Variants in KCNIP4 observed in about 807,000 individuals in gnomAD.
KCNIP4 encodes the protein Kv channel-interacting protein 4.
Under a neutral mutation model 34.0 loss-of-function variants are expected in KCNIP4, and 12 were observed. The ratio of observed to expected loss-of-function variants is 0.35; its 90% confidence interval spans 0.23 to 0.57. The LOEUF is 0.57. KCNIP4 is among the 20% of genes least tolerant of loss of function. The probability of loss-of-function intolerance (pLI) is 0.83; values close to 1 mark genes in which losing one functional copy is unlikely to be tolerated. For synonymous variants in KCNIP4, 124 were observed against 102.2 expected, an observed-to-expected ratio of 1.21 and a Z score of -1.29; for missense variants, 238 against 311.7, an observed-to-expected ratio of 0.76 and a Z score of 1.78.
At chr4:21,253,381 A>G (rs900880824) in intron 1 of KCNIP4, among the ~76,000 whole-genome samples, 1 of 152,164 alleles carries the variant, frequency 6.6e-6, no homozygotes, top group African/African-American at 2.4e-5. Context: ...AGTAGAATAA[A>G]TTTCAGTAGG....
At chr4:21,831,453 G>T (rs1010377924) in intron 1 of KCNIP4, among the ~76,000 whole-genome samples, 1 of 151,648 alleles carries the variant, frequency 6.6e-6, no homozygotes, top group Non-Finnish European at 1.5e-5. Flanking sequence ...AAAATCAGAA[G>T]TGACAGAGGA....
chr4:21,895,038 TG>T (rs1293787516), intron 1 of KCNIP4, among the ~76,000 whole-genome samples: 2 of 152,158 alleles, frequency 1.3e-5, no homozygotes, highest in Admixed American at 6.6e-5. Context: ...CCAGGTGAGT[TG>T]GGGGGCTTTC....
intron 1 of KCNIP4, among the ~76,000 whole-genome samples, chr4:20,949,298 A>G (rs1577417271): frequency 6.6e-6 from 1 of 152,356 alleles, no homozygotes; most frequent in African/African-American, 2.4e-5. Flanking sequence ...AAAAAATAGT[A>G]CCAGTACCCC....
intron 1 of KCNIP4, among the ~76,000 whole-genome samples, chr4:21,298,676 T>C (rs988816186): frequency 1.4e-4 from 21 of 152,182 alleles, no homozygotes; most frequent in African/African-American, 4.8e-4. Context: ...GCGCTTGATT[T>C]GACTGAAATT....
chr4:21,936,603 G>C (rs572209831), intron 1 of KCNIP4, among the ~76,000 whole-genome samples: 1 of 151,964 alleles, frequency 6.6e-6, no homozygotes, highest in African/African-American at 2.4e-5. Context: ...CAGAATTACC[G>C]GGCAAGAATG....
chr4:21,836,072 A>G (rs947076011), intron 1 of KCNIP4, among the ~76,000 whole-genome samples: 2 of 152,114 alleles, frequency 1.3e-5, no homozygotes, highest in Non-Finnish European at 2.9e-5. Context: ...CTTTGGGTGG[A>G]CTGGTTGTGA....
At chr4:21,518,546 G>T (rs1734962203) in intron 1 of KCNIP4, among the ~76,000 whole-genome samples, 1 of 152,198 alleles carries the variant, frequency 6.6e-6, no homozygotes, top group South Asian at 2.1e-4. Flanking sequence ...CACTCAGGGA[G>T]GCCTGAGGAC....
At chr4:21,687,057 A>C (rs887483809) in intron 1 of KCNIP4, among the ~76,000 whole-genome samples, 43 of 146,316 alleles carry the variant, frequency 2.9e-4, no homozygotes, top group African/African-American at 1.0e-3. Flanking sequence ...TTCTCAGTAA[A>C]CTATCGCAAG....
chr4:21,434,044 C>T (rs1292833061), intron 1 of KCNIP4, among the ~76,000 whole-genome samples: 1 of 152,028 alleles, frequency 6.6e-6, no homozygotes, highest in Non-Finnish European at 1.5e-5. Flanking sequence ...TATTTTTATT[C>T]CAGGCTCTCA....
chr4:21,148,940 T>A (rs1752578147), intron 1 of KCNIP4, among the ~76,000 whole-genome samples: 1 of 152,226 alleles, frequency 6.6e-6, no homozygotes, highest in Admixed American at 6.5e-5. Flanking sequence ...TTAAATTGGC[T>A]TTGAGTATAC....
chr4:21,193,571 A>ATTTTT (rs71655619), intron 1 of KCNIP4, among the ~76,000 whole-genome samples: 28,979 of 118,474 alleles, frequency 0.24, 3,637 homozygotes, highest in South Asian at 0.4. Flanking sequence ...GCAATTTTAA[A>ATTTTT]TTTTTTTTTT....
At chr4:20,792,888 G>C (rs1578630860) in intron 3 of KCNIP4, among the ~76,000 whole-genome samples, 2 of 152,268 alleles carry the variant, frequency 1.3e-5, no homozygotes, top group East Asian at 3.9e-4. Flanking sequence ...CACTTGAGCA[G>C]TACTATCCAC....
At chr4:20,790,016 T>A (rs942241338) in intron 3 of KCNIP4, among the ~76,000 whole-genome samples, 1 of 152,120 alleles carries the variant, frequency 6.6e-6, no homozygotes, top group African/African-American at 2.4e-5. Context: ...GTGACTTCCA[T>A]TTTGTGCAAA....
At chr4:21,302,016 C>T (rs552021404) in intron 1 of KCNIP4, among the ~76,000 whole-genome samples, 1 of 152,232 alleles carries the variant, frequency 6.6e-6, no homozygotes, top group African/African-American at 2.4e-5. Context: ...CACTGGAAAT[C>T]ATATATGAAG....
chr4:21,113,649 T>C lies in KCNIP4; in HGVS notation c.62-230940A>G, dbSNP rs888963631. 1.4e-4 allele frequency among the ~76,000 whole-genome samples: 22 copies of C among 152,146 alleles called. 1 individual carries two copies. Among genetic ancestry groups the C allele is most frequent in the African/African-American group, 4.8e-5 (2 of 41,448 alleles). The stretch of plus-strand genomic sequence containing the variant: ...AAAACAATTACACAGCTCCAGCCCA[T>C]GTGCAAGCATTAGCAACTATTCTGG... On this transcript the variant is annotated intron_variant, in intron 1 of 8. Transcript: ENST00000382152.
intron 1 of KCNIP4, among the ~76,000 whole-genome samples, chr4:21,777,925 C>A (rs2109205501): frequency 6.6e-6 from 1 of 152,184 alleles, no homozygotes; most frequent in African/African-American, 2.4e-5. Context: ...TTATAAAAAT[C>A]TGTAAGTTTT....
intron 1 of KCNIP4, among the ~76,000 whole-genome samples, chr4:21,741,831 G>C (rs1294905728): frequency 6.6e-6 from 1 of 152,092 alleles, no homozygotes; most frequent in Non-Finnish European, 1.5e-5. Flanking sequence ...AAGGTCAGGA[G>C]TTCGAGACCA....
At position 21,688,636 on chromosome 4, in the gene KCNIP4, A is replaced by G. The variant is rs1439908690; in HGVS notation, c.61+259935T>C. On this transcript the variant is annotated intron_variant, in intron 1 of 8. Transcript: ENST00000382152. ...AAAATAGGATCTGAACAGGTGTTTA[A>G]TTGATAAAATGCAATATTTCCTACC... Among the ~76,000 whole-genome samples, 3 of 152,156 alleles carry G rather than the reference A, an allele frequency of 2.0e-5. No homozygotes were observed. In the East Asian group the frequency reaches 5.8e-4, roughly 29 times the overall value.
chr4:20,924,685 A>G (rs903048316), intron 1 of KCNIP4, among the ~76,000 whole-genome samples: 27 of 152,224 alleles, frequency 1.8e-4, no homozygotes, highest in African/African-American at 6.5e-4. Flanking sequence ...AATAAAATGC[A>G]TTAACTTGGA....
Sources: gnomAD v4.1 joint callset for allele counts (sites outside exome capture counted in the v4.1 genomes callset) on GRCh38, gnomAD v4.1.1 for gene constraint, MANE v1.5 for transcripts, NCBI Gene and HGNC (gene_info 2026-07-23, HGNC 2026-07-21) for gene names.